Variants in PCCA observed in about 807,000 individuals in gnomAD.
The protein encoded by PCCA is propionyl-CoA carboxylase alpha chain, mitochondrial.
PCCA carries 74 observed loss-of-function variants against 101.3 expected under a neutral mutation model. The ratio of observed to expected loss-of-function variants is 0.73; its 90% CI spans 0.61 to 0.89. The LOEUF (loss-of-function observed/expected upper bound fraction) is 0.89, where lower values mean the gene tolerates loss of function less well. Ranked by LOEUF, PCCA falls within the 40% of genes least tolerant of loss-of-function variation. PCCA has a pLI of 0.00. For synonymous variants in PCCA, 294 were observed against 313.6 expected (o/e 0.94, Z 0.66); for missense variants, 891 against 907.0 (o/e 0.98, Z 0.23).
intron 21 of PCCA, among the ~76,000 whole-genome samples, chr13:100,476,362 A>G (rs570731905): frequency 1.2e-4 from 19 of 152,334 alleles, no homozygotes; most frequent in Admixed American, 1.1e-3. Flanking sequence ...CAGTGTTTTA[A>G]TTCCTTAGTC....
intron 7 of PCCA, among the ~76,000 whole-genome samples, chr13:100,221,446 A>G (rs2059802822): frequency 6.6e-6 from 1 of 152,206 alleles, no homozygotes; most frequent in African/African-American, 2.4e-5. Context: ...TGCTTGTTCA[A>G]CAGGTTATTT....
At chr13:100,330,060 C>T (rs768788839) in intron 16 of PCCA, among the ~76,000 whole-genome samples, 3 of 152,170 alleles carry the variant, frequency 2.0e-5, no homozygotes, top group Admixed American at 6.5e-5. Flanking sequence ...CCTGACCTCT[C>T]GCCAACCAAC....
intron 8 of PCCA, among the ~76,000 whole-genome samples, chr13:100,257,139 T>G (rs1228140738): frequency 6.6e-6 from 1 of 152,220 alleles, no homozygotes; most frequent in Admixed American, 6.5e-5. Flanking sequence ...CTGTAGGGGT[T>G]GTCTGTGACT....
intron 8 of PCCA, among the ~76,000 whole-genome samples, chr13:100,249,621 T>C (rs2152544544): frequency 6.6e-6 from 1 of 152,336 alleles, no homozygotes; most frequent in South Asian, 2.1e-4. Flanking sequence ...AATAAATTGC[T>C]AGGACTTTGA....
At chr13:100,458,439 A>G (rs2081946640) in intron 21 of PCCA, among the ~76,000 whole-genome samples, 1 of 51,462 alleles carries the variant, frequency 1.9e-5, no homozygotes, top group Admixed American at 1.8e-4. Flanking sequence ...ACACACACAC[A>G]TACACACACA....
intron 19 of PCCA, among the ~76,000 whole-genome samples, chr13:100,405,799 T>C (rs1004788321): frequency 1.6e-5 from 2 of 124,778 alleles, no homozygotes; most frequent in African/African-American, 6.1e-5. Context: ...TGAGATGGAG[T>C]CTTGCTCTGT....
chr13:100,474,464 C>CTCTG (rs1555310451), intron 21 of PCCA, among the ~76,000 whole-genome samples: 34 of 149,250 alleles, frequency 2.3e-4, no homozygotes, highest in Middle Eastern at 3.4e-3. Flanking sequence ...CTCTCTCTCT[C>CTCTG]TCTCTGTCTC....
At chr13:100,150,792 C>A in intron 4 of PCCA, 1 of 1,586,800 alleles carries the variant, frequency 6.3e-7, no homozygotes, top group Non-Finnish European at 8.6e-7. Flanking sequence ...TGCTCCTCTG[C>A]AACGGACTGA....
At chr13:100,311,705 G>A (rs906001234) in intron 16 of PCCA, among the ~76,000 whole-genome samples, 7 of 152,148 alleles carry the variant, frequency 4.6e-5, no homozygotes, top group African/African-American at 1.7e-4. Context: ...AGGAGGTGGA[G>A]GTTGCAGTGA....
chr13:100,263,242 G>A (rs764115416), intron 10 of PCCA, among the ~76,000 whole-genome samples: 8 of 152,122 alleles, frequency 5.3e-5, no homozygotes, highest in Non-Finnish European at 8.8e-5. Context: ...AAGTGGTTAC[G>A]TAGGGGCATA....
At position 100,512,372 on chromosome 13, in the gene PCCA, C is replaced by T. The variant is rs75729236; in HGVS notation, c.1900-3055C>T. Among the ~76,000 whole-genome samples, 802 of 152,336 alleles carry T rather than the reference C, an allele frequency of 5.3e-3. 10 individuals are homozygous for T. Among genetic ancestry groups the T allele is most frequent in the African/African-American group, 0.018 (749 of 41,572 alleles). On this transcript the variant is annotated intron_variant, in intron 21 of 23. Transcript: ENST00000376285. ...TTTCCGTCATTCAGTCCTTAGATAA[C>T]ACCTCATTCCCTCCCATTACTGTCG... is the stretch of plus-strand genomic sequence containing the variant.
At chr13:100,124,964 A>G (rs1322714611) in intron 4 of PCCA, among the ~76,000 whole-genome samples, 1 of 152,180 alleles carries the variant, frequency 6.6e-6, no homozygotes, top group African/African-American at 2.4e-5. Context: ...CTGTTTGGAA[A>G]GGAGTTAAGG....
intron 20 of PCCA, among the ~76,000 whole-genome samples, chr13:100,447,110 G>A (rs2080885909): frequency 2.6e-5 from 4 of 152,192 alleles, no homozygotes; most frequent in Admixed American, 2.0e-4. Flanking sequence ...GGTTGGCTGG[G>A]CGCAGTGGCT....
At chr13:100,263,694 C>A (rs2062683576) in intron 10 of PCCA, among the ~76,000 whole-genome samples, 2 of 152,028 alleles carry the variant, frequency 1.3e-5, no homozygotes, top group Non-Finnish European at 2.9e-5. Flanking sequence ...AACACAGTTT[C>A]TTTCTGAGGC....
chr13:100,430,066 C>T (rs564523398), intron 20 of PCCA, among the ~76,000 whole-genome samples: 2 of 151,776 alleles, frequency 1.3e-5, no homozygotes, highest in Non-Finnish European at 2.9e-5. Context: ...ACCTGAGGTT[C>T]GGAGTTCGAG....
At chr13:100,478,147 G>A (rs2083568667) in intron 21 of PCCA, among the ~76,000 whole-genome samples, 1 of 152,222 alleles carries the variant, frequency 6.6e-6, no homozygotes, top group Admixed American at 6.5e-5. Context: ...GTAGGTCTGA[G>A]GACATATTTA....
Position 100,409,581 on chromosome 13 carries a change from G to T in PCCA, c.1747-16052G>T, listed in dbSNP as rs192045431. 2.2e-4 allele frequency among the ~76,000 whole-genome samples: 33 copies of T among 152,238 alleles called. No individual in the cohort carries two copies. The East Asian group carries it at 6.2e-3, about 29-fold the overall frequency. Reference sequence around the variant, plus strand: ...GGACTTCCTGAGGCTCCACCCCAGTGCACAGGCCAGTTGGAGTTTTTCCAG... The same window carrying T: ...GGACTTCCTGAGGCTCCACCCCAGTTCACAGGCCAGTTGGAGTTTTTCCAG... On this transcript the variant is annotated intron_variant, in intron 19 of 23. Coordinates refer to ENST00000376285, the MANE Select transcript of PCCA (RefSeq NM_000282.4).
chr13:100,145,036 A>T lies in PCCA; in HGVS notation c.301-9943A>T, dbSNP rs894645547. On this transcript the variant is annotated intron_variant, in intron 4 of 23. Transcript: ENST00000376285. ...ATGAGGGAGCAGATGATTCGTAAAC[A>T]GGTAGAGCCATATCTTGGAATTCTT... 3.3e-5 allele frequency among the ~76,000 whole-genome samples: 5 copies of T among 152,354 alleles called. No individual in the cohort carries two copies. The East Asian group carries it at 9.6e-4, about 29-fold the overall frequency.
At chr13:100,122,054 T>C (rs1172240375) in intron 4 of PCCA, among the ~76,000 whole-genome samples, 1 of 152,252 alleles carries the variant, frequency 6.6e-6, no homozygotes, top group African/African-American at 2.4e-5. Context: ...GAGGGATTTT[T>C]ATCAAGAACA....
Sources: allele counts gnomAD v4.1 joint callset (sites outside exome capture counted in the v4.1 genomes callset), GRCh38; gene constraint gnomAD v4.1.1; transcripts MANE v1.5; gene names NCBI Gene and HGNC (gene_info 2026-07-23, HGNC 2026-07-21).